The following ITCH variants were observed in gnomAD, a reference collection of about 807,000 sequenced individuals.
ITCH encodes the protein E3 ubiquitin-protein ligase Itchy homolog.
A neutral mutation model predicts 126.8 loss-of-function variants in ITCH; 28 were observed. The observed-to-expected ratio is 0.22, with a 90% CI of 0.16 to 0.30. The LOEUF (loss-of-function observed/expected upper bound fraction) is 0.30, where lower values mean the gene tolerates loss of function less well. Ranked by LOEUF, ITCH falls within the 10% of genes least tolerant of loss-of-function variation. The probability of loss-of-function intolerance (pLI) is 1.00; values close to 1 mark genes in which losing one functional copy is unlikely to be tolerated. For missense variants in ITCH, 631 were observed against 1,032.4 expected (o/e 0.61, Z 5.33); for synonymous variants, 342 against 340.0 (o/e 1.01, Z -0.06).
At position 34,510,443 on chromosome 20, in the gene ITCH, A is replaced by ATTTTTTTTT. The variant is rs10598635; in HGVS notation, c.*2668_*2676dup. On this transcript the variant is annotated 3_prime_UTR_variant, in exon 25 of 25. Coordinates refer to ENST00000374864, the MANE Select transcript of ITCH (RefSeq NM_031483.7). ...TTGTAAATGCTAATAAATCCTGTTA[A>ATTTTTTTTT]TTTTTTTTTTTTTTTTTTTTTTTTT... is the stretch of plus-strand genomic sequence containing the variant. The ATTTTTTTTT allele has an allele frequency of 1.6e-5, 1 of 63,234 alleles. No individual in the cohort carries two copies. Among genetic ancestry groups the ATTTTTTTTT allele is most frequent in the African/African-American group, 6.8e-5 (1 of 14,674 alleles). The allele number at this position is 63,234 out of a possible 1,614,324, so 3.9% of individuals were successfully genotyped here. A position where few individuals can be genotyped will look rare whatever the true frequency, so the allele number is the denominator to read the frequency against.
chr20:34,381,104 A>G (rs2038044112), intron 2 of ITCH, among the ~76,000 whole-genome samples: 1 of 152,106 alleles, frequency 6.6e-6, no homozygotes, highest in Non-Finnish European at 1.5e-5. Flanking sequence ...TCAACTCTTT[A>G]GAAGACATCA....
chr20:34,447,875 G>A (rs6141474), intron 11 of ITCH, among the ~76,000 whole-genome samples: 151,049 of 152,298 alleles, frequency 0.99, 74,910 homozygotes, highest in East Asian at 1. Flanking sequence ...GTAGTAGGCC[G>A]GTGACATGGG....
intron 2 of ITCH, among the ~76,000 whole-genome samples, chr20:34,392,334 T>C (rs114935667): frequency 8.1e-4 from 124 of 152,328 alleles, no homozygotes; most frequent in African/African-American, 2.7e-3. Flanking sequence ...ACATCTGAAA[T>C]AGTGTAATTT....
rs183540382 is a variant in ITCH at position 34,491,351 on chromosome 20, C to G, written c.2320-1150C>G. On this transcript the variant is annotated intron_variant, in intron 22 of 24. Coordinates refer to ENST00000374864, the MANE Select transcript of ITCH (RefSeq NM_031483.7). ...ACTTACATGAGGTTACTAGAATGGGCAGCTTCATAGAGGCAAAAGTAGAAT... is the reference window on the plus strand; with the variant it reads ...ACTTACATGAGGTTACTAGAATGGGGAGCTTCATAGAGGCAAAAGTAGAAT... 2.5e-3 allele frequency among the ~76,000 whole-genome samples: 375 copies of G among 152,262 alleles called. 2 individuals carry two copies. The highest frequency in any genetic ancestry group is 8.8e-3 in the African/African-American group (364 of 41,546).
intron 3 of ITCH, among the ~76,000 whole-genome samples, chr20:34,397,158 G>C (rs2038707525): frequency 6.6e-6 from 1 of 152,100 alleles, no homozygotes; most frequent in South Asian, 2.1e-4. Context: ...AAGTAGCTGG[G>C]GTTATAGGCG....
intron 11 of ITCH, among the ~76,000 whole-genome samples, chr20:34,446,230 A>T (rs1390593415): frequency 6.6e-6 from 1 of 152,152 alleles, no homozygotes; most frequent in Non-Finnish European, 1.5e-5. Flanking sequence ...GTTATATAGA[A>T]CCTAAACGAA....
rs759298737 is a variant in ITCH, at chr20:34,457,403, C to T, written c.1224C>T (p.Asp408=). 4.3e-6 allele frequency: 7 copies of T among 1,613,206 alleles called. No individual in the cohort carries two copies. The highest frequency in any genetic ancestry group is 5.9e-6 in the Non-Finnish European group (7 of 1,179,298). ...PLPPGWEKRT[D]SNGRVYFVNH... is the part of the protein sequence containing the mutation. The stretch of plus-strand genomic sequence containing the variant: ...CCCTTCCCAAAGAGAAGAGAACAGA[C>T]AGCAATGGCAGAGTATATTTCGTCA... Residue 408 remains aspartate, a synonymous_variant, in exon 13 of 25, where the codon GAC becomes GAT. Transcript: ENST00000374864.
chr20:34,417,653 G>A (rs1980109742), intron 6 of ITCH, among the ~76,000 whole-genome samples: 4 of 146,762 alleles, frequency 2.7e-5, no homozygotes, highest in Admixed American at 2.1e-4. Flanking sequence ...GCCTGCCTAG[G>A]CCTCCCAAAG....
At position 34,476,461 on chromosome 20, in the gene ITCH, C is replaced by T. The variant is rs545231945; in HGVS notation, c.1570-1311C>T. The T allele has an allele frequency of 2.2e-4, 267 of 1,216,490 alleles. 1 individual carries two copies. The South Asian group carries it at 6.7e-3, about 30-fold the overall frequency. 75.4% of individuals were successfully genotyped at this position (1,216,490 alleles called of 1,614,324 possible). A position where few individuals can be genotyped will look rare whatever the true frequency, so the allele number is the denominator to read the frequency against. On this transcript the variant is annotated intron_variant, in intron 16 of 24. Transcript: ENST00000374864. ...AGCGGCGCGCAGCAGCCGGGCGCCC[C>T]CAGCGGCAGCCATCGCCCGCGGTCG...
At chr20:34,476,472 C>G in intron 16 of ITCH, 1 of 1,215,326 alleles carries the variant, frequency 8.2e-7, no homozygotes, top group Non-Finnish European at 1.0e-6. Flanking sequence ...CAGCGGCAGC[C>G]ATCGCCCGCG....
intron 17 of ITCH, among the ~76,000 whole-genome samples, chr20:34,478,692 T>G (rs1207051363): frequency 6.6e-6 from 1 of 152,208 alleles, no homozygotes; most frequent in Non-Finnish European, 1.5e-5. Context: ...TGTGTCTTTG[T>G]GTGCACGCTA....
intron 12 of ITCH, among the ~76,000 whole-genome samples, chr20:34,454,720 C>T (rs1307558829): frequency 6.6e-6 from 1 of 150,678 alleles, no homozygotes; most frequent in Non-Finnish European, 1.5e-5. Context: ...TTACCAAATA[C>T]GAACTTGACA....
At chr20:34,507,589 T>A in intron 24 of ITCH, 106 bp from the exon 25 acceptor site, 1 of 825,436 alleles carries the variant, frequency 1.2e-6, no homozygotes, top group Non-Finnish European at 2.1e-6. Context: ...TGAAGCACAG[T>A]AGTATATTTT....
At chr20:34,443,932 G>A (rs1253543181) in intron 10 of ITCH, among the ~76,000 whole-genome samples, 2 of 152,086 alleles carry the variant, frequency 1.3e-5, no homozygotes, top group Admixed American at 6.6e-5. Flanking sequence ...ATTACAGTGA[G>A]CTGTGATCAT....
intron 3 of ITCH, among the ~76,000 whole-genome samples, chr20:34,399,971 G>A (rs762306890): frequency 1.3e-5 from 2 of 151,460 alleles, no homozygotes; most frequent in Non-Finnish European, 2.9e-5. Flanking sequence ...ACGGAGTCTC[G>A]CTCTGTTGCC....
At chr20:34,489,616 C>G (rs189344110) in intron 21 of ITCH, among the ~76,000 whole-genome samples, 122 of 152,120 alleles carry the variant, frequency 8.0e-4, no homozygotes, top group South Asian at 2.3e-3. Context: ...AATTGAGTGA[C>G]TTACTTCCCT....
chr20:34,382,208 A>C (rs547003346), intron 2 of ITCH, among the ~76,000 whole-genome samples: 28 of 152,234 alleles, frequency 1.8e-4, no homozygotes, highest in African/African-American at 6.5e-4. Context: ...GGTAAGTGGT[A>C]ATTTGGTTCC....
chr20:34,380,633 A>T (rs1248657613), intron 2 of ITCH, among the ~76,000 whole-genome samples: 1 of 144,558 alleles, frequency 6.9e-6, no homozygotes, highest in African/African-American at 2.6e-5. Context: ...TTTTTGCAAA[A>T]ATAGAGATGG....
chr20:34,508,979 T>C lies in ITCH; in HGVS notation c.*1185T>C, dbSNP rs1978470954. On this transcript the variant is annotated 3_prime_UTR_variant, in exon 25 of 25. Transcript: ENST00000374864. Reference sequence around the variant, plus strand: ...AACATCCAGTAACCACAGGAATATATTCTCTGTGAATTAAAAGTCTTCAAA... The same window carrying C: ...AACATCCAGTAACCACAGGAATATACTCTCTGTGAATTAAAAGTCTTCAAA... 6.6e-6 allele frequency: 1 copy of C among 152,294 alleles called. No individual in the cohort carries two copies. Among genetic ancestry groups the C allele is most frequent in the African/African-American group, 2.4e-5 (1 of 41,436 alleles). 9.4% of individuals were successfully genotyped at this position (152,294 alleles called of 1,614,324 possible). A position where few individuals can be genotyped will look rare whatever the true frequency, so the allele number is the denominator to read the frequency against.
Sources: gnomAD v4.1 joint callset for allele counts (sites outside exome capture counted in the v4.1 genomes callset) on GRCh38, gnomAD v4.1.1 for gene constraint, MANE v1.5 for transcripts, NCBI Gene and HGNC (gene_info 2026-07-23, HGNC 2026-07-21) for gene names.